PIP5K1B: variants seen among roughly 807,000 people sequenced by gnomAD.
The protein encoded by PIP5K1B is phosphatidylinositol 4-phosphate 5-kinase type-1 beta.
Under a neutral mutation model 67.0 loss-of-function variants are expected in PIP5K1B, and 42 were observed. That is an observed-to-expected ratio of 0.63 (90% CI 0.49 to 0.81). The LOEUF is 0.81. Ranked by LOEUF, PIP5K1B falls within the 30% of genes least tolerant of loss-of-function variation. PIP5K1B has a pLI of 0.00. For synonymous variants in PIP5K1B, 214 were observed against 231.4 expected, an observed-to-expected ratio of 0.92 and a Z score of 0.68; for missense variants, 459 against 646.3, an observed-to-expected ratio of 0.71 and a Z score of 3.14.
intron 5 of PIP5K1B, among the ~76,000 whole-genome samples, chr9:68,869,448 G>A (rs1375006982): frequency 1.3e-5 from 2 of 152,136 alleles, no homozygotes; most frequent in Non-Finnish European, 2.9e-5. Flanking sequence ...CTGGTCCCTG[G>A]TGCCAAAAAG....
chr9:68,804,260 A>C (rs1290523239), intron 2 of PIP5K1B, among the ~76,000 whole-genome samples: 1 of 152,182 alleles, frequency 6.6e-6, no homozygotes, highest in East Asian at 1.9e-4. Flanking sequence ...TAGTCGATTC[A>C]GGAAAAAGAG....
intron 4 of PIP5K1B, among the ~76,000 whole-genome samples, chr9:68,838,981 A>T (rs1026343932): frequency 1.5e-4 from 23 of 152,262 alleles, no homozygotes; most frequent in South Asian, 4.1e-4. Context: ...AGTTTGGAGA[A>T]TGTCTTAAAA....
At chr9:68,973,193 C>G (rs936224513) in intron 14 of PIP5K1B, among the ~76,000 whole-genome samples, 5 of 152,140 alleles carry the variant, frequency 3.3e-5, no homozygotes, top group African/African-American at 1.2e-4. Flanking sequence ...ATACAACAAC[C>G]TCATCTGTTG....
intron 2 of PIP5K1B, chr9:68,789,718 A>C (rs1831851732): frequency 3.6e-6 from 1 of 275,828 alleles, no homozygotes; most frequent in Non-Finnish European, 7.0e-6. Flanking sequence ...TTTCAGTCTG[A>C]AAGCCTCAGG....
intron 13 of PIP5K1B, among the ~76,000 whole-genome samples, chr9:68,937,306 C>T (rs1268470214): frequency 2.0e-5 from 3 of 152,172 alleles, no homozygotes; most frequent in Non-Finnish European, 4.4e-5. Flanking sequence ...TTGGTTTATT[C>T]AGGGATTCGA....
At chr9:69,005,014 G>A (rs1831009378) in intron 15 of PIP5K1B, among the ~76,000 whole-genome samples, 1 of 152,066 alleles carries the variant, frequency 6.6e-6, no homozygotes, top group Non-Finnish European at 1.5e-5. Context: ...TACAACATGG[G>A]TGGAGAGTTG....
chr9:68,732,986 C>A (rs909756372), intron 1 of PIP5K1B, among the ~76,000 whole-genome samples: 5 of 151,990 alleles, frequency 3.3e-5, no homozygotes, highest in African/African-American at 4.8e-5. Context: ...GGAACCTGTA[C>A]CAATTTTGAT....
At chr9:68,833,565 C>G (rs900086602) in intron 4 of PIP5K1B, among the ~76,000 whole-genome samples, 3 of 151,834 alleles carry the variant, frequency 2.0e-5, no homozygotes, top group Admixed American at 6.6e-5. Context: ...GACACTGCCC[C>G]CCCACCCCCC....
intron 14 of PIP5K1B, among the ~76,000 whole-genome samples, chr9:68,968,398 T>C (rs1829151257): frequency 6.6e-6 from 1 of 150,848 alleles, no homozygotes; most frequent in Non-Finnish European, 1.5e-5. Flanking sequence ...TGCATGCCTG[T>C]AATCCCAGCT....
intron 5 of PIP5K1B, among the ~76,000 whole-genome samples, chr9:68,871,834 A>G (rs538107616): frequency 6.6e-6 from 1 of 152,062 alleles, no homozygotes; most frequent in Admixed American, 6.5e-5. Flanking sequence ...ATCTAGAACC[A>G]CTGCTCAAAA....
intron 2 of PIP5K1B, chr9:68,781,567 G>C (rs1831280065): frequency 6.0e-6 from 1 of 166,608 alleles, no homozygotes; most frequent in Non-Finnish European, 1.5e-5. Context: ...TAGTTTTCTG[G>C]GTACTGAAGT....
At position 68,705,352 on chromosome 9, in the gene PIP5K1B, C is replaced by T. The variant is rs1017849140; in HGVS notation, c.-653C>T. 6.6e-6 allele frequency: 1 copy of T among 151,310 alleles called. No homozygotes were observed. Among genetic ancestry groups the T allele is most frequent in the Non-Finnish European group, 1.5e-5 (1 of 67,650 alleles). 9.4% of individuals were successfully genotyped at this position (151,310 alleles called of 1,614,324 possible). A position where few individuals can be genotyped will look rare whatever the true frequency, so the allele number is the denominator to read the frequency against. ...CCCGGTTCCCGGTCCCCGAACGCGC[C>T]GCGGCGAGGCTGCGCCCGGCAGTGG... On this transcript the variant is annotated 5_prime_UTR_variant, in exon 1 of 16. Coordinates refer to ENST00000265382, the MANE Select transcript of PIP5K1B (RefSeq NM_003558.4).
chr9:68,707,856 C>T (rs573809470), intron 1 of PIP5K1B: 3 of 152,322 alleles, frequency 2.0e-5, no homozygotes, highest in Admixed American at 2.0e-4. Context: ...CCTGGGCCAT[C>T]ATATCACTTC....
intron 14 of PIP5K1B, among the ~76,000 whole-genome samples, chr9:68,959,177 G>T (rs949905954): frequency 6.6e-6 from 1 of 152,018 alleles, no homozygotes; most frequent in Admixed American, 6.6e-5. Flanking sequence ...TTATGATAGA[G>T]GAAATTTGGA....
At chr9:68,747,105 T>A (rs1475895577) in intron 2 of PIP5K1B, among the ~76,000 whole-genome samples, 1 of 151,654 alleles carries the variant, frequency 6.6e-6, no homozygotes, top group Non-Finnish European at 1.5e-5. Context: ...CCATAGACAG[T>A]CCTAACTCTG....
At chr9:68,895,265 T>TAAAAAAAAAAA (rs11342436) in intron 8 of PIP5K1B, among the ~76,000 whole-genome samples, 1 of 121,114 alleles carries the variant, frequency 8.3e-6, no homozygotes. Context: ...TGCAATGCTT[T>TAAAAAAAAAAA]AAAAAAAAAA....
chr9:68,758,353 T>C (rs1830031923), intron 2 of PIP5K1B, among the ~76,000 whole-genome samples: 1 of 152,100 alleles, frequency 6.6e-6, no homozygotes, highest in Non-Finnish European at 1.5e-5. Flanking sequence ...ACAAAAATGC[T>C]CAACAAGTAA....
intron 1 of PIP5K1B, among the ~76,000 whole-genome samples, chr9:68,724,451 G>T (rs1029004132): frequency 6.6e-6 from 1 of 152,006 alleles, no homozygotes; most frequent in African/African-American, 2.4e-5. Context: ...TTTTGGTAGA[G>T]ATTGCATTGA....
intron 1 of PIP5K1B, among the ~76,000 whole-genome samples, chr9:68,732,916 TG>T (rs34627705): frequency 0.61 from 61,970 of 101,904 alleles, 14,908 homozygotes; most frequent in African/African-American, 0.72. Flanking sequence ...GGAGGTGGGT[TG>T]GGGGGGGGGC....
Sources: allele counts gnomAD v4.1 joint callset (sites outside exome capture counted in the v4.1 genomes callset), GRCh38; gene constraint gnomAD v4.1.1; transcripts MANE v1.5; gene names NCBI Gene and HGNC (gene_info 2026-07-23, HGNC 2026-07-21).